ARHGEF7: variants seen among roughly 807,000 people sequenced by gnomAD.
ARHGEF7 encodes the protein Rho guanine nucleotide exchange factor 7.
In ARHGEF7, 33 loss-of-function variants were observed where a neutral mutation model predicts 109.8. The observed-to-expected ratio is 0.30, with a 90% CI of 0.23 to 0.40. The LOEUF (loss-of-function observed/expected upper bound fraction) is 0.40. ARHGEF7 is among the 10% of genes least tolerant of loss of function. ARHGEF7 has a pLI of 1.00. For missense variants in ARHGEF7, 938 were observed against 1,098.5 expected (o/e 0.85, Z 2.07); for synonymous variants, 458 against 424.6 (o/e 1.08, Z -0.97).
rs981438967 is a variant in ARHGEF7, at chr13:111,145,654, C to G, written c.166-8251C>G. Among the ~76,000 whole-genome samples the G allele has an allele frequency of 6.6e-6, 1 of 152,204 alleles. No homozygotes were observed. The highest frequency in any genetic ancestry group is 1.5e-5 in the Non-Finnish European group (1 of 68,032). ...CCAGTGTGACGGGGTGACACCCATA[C>G]AGCCCACTGTGAGCCAGCTCCAGCA... On this transcript the variant is annotated intron_variant, in intron 1 of 21. Transcript: ENST00000646102. This position sits in a 1 kb window ranked among gnomAD's most constrained non-coding sequence, Gnocchi z 4.3.
chr13:111,149,819 T>C (rs1217608192), intron 1 of ARHGEF7, among the ~76,000 whole-genome samples: 1 of 152,200 alleles, frequency 6.6e-6, no homozygotes, highest in Non-Finnish European at 1.5e-5. Flanking sequence ...TTATACTGTA[T>C]AGCACAGTAA....
intron 5 of ARHGEF7, among the ~76,000 whole-genome samples, chr13:111,222,795 G>C (rs897115594): frequency 5.9e-5 from 9 of 152,182 alleles, no homozygotes; most frequent in Non-Finnish European, 1.2e-4. Context: ...TGTTACTCTA[G>C]AGCAGTTAAG....
At chr13:111,292,973 T>C (rs1254144584) in intron 19 of ARHGEF7, 1 of 985,430 alleles carries the variant, frequency 1.0e-6, no homozygotes, top group African/African-American at 1.7e-5. Context: ...TGTGCTGCGT[T>C]GTGGCCGTGA....
chr13:111,147,602 A>G (rs556907870), intron 1 of ARHGEF7, among the ~76,000 whole-genome samples: 1 of 151,520 alleles, frequency 6.6e-6, no homozygotes, highest in East Asian at 1.9e-4. Flanking sequence ...TTTACTCGCC[A>G]TCCTTGAGAA....
intron 5 of ARHGEF7, 99 bp from the exon 6 acceptor site, chr13:111,233,106 G>A (rs2086324683): frequency 3.0e-6 from 3 of 1,012,944 alleles, no homozygotes; most frequent in South Asian, 1.3e-5. Context: ...TGTTAATTCA[G>A]TGAGGCTGCT....
chr13:111,185,316 C>G (rs1052561103), intron 2 of ARHGEF7: 1 of 152,336 alleles, frequency 6.6e-6, no homozygotes, highest in Non-Finnish European at 1.5e-5. Flanking sequence ...TTAGGTCATT[C>G]AGAGTCCATC....
intron 2 of ARHGEF7, among the ~76,000 whole-genome samples, chr13:111,175,595 G>T (rs1449208927): frequency 6.6e-6 from 1 of 152,210 alleles, no homozygotes; most frequent in Non-Finnish European, 1.5e-5. Flanking sequence ...CCAGGGGCGG[G>T]CCTCCTAAGC....
At chr13:111,154,322 G>C (rs1480218924) in intron 2 of ARHGEF7, among the ~76,000 whole-genome samples, 2 of 152,194 alleles carry the variant, frequency 1.3e-5, no homozygotes, top group African/African-American at 2.4e-5. Flanking sequence ...GGTGTGAACC[G>C]ATTTCTTGGC....
intron 13 of ARHGEF7, 80 bp downstream of exon 13, chr13:111,277,753 T>C: frequency 1.1e-6 from 1 of 951,012 alleles, no homozygotes; most frequent in South Asian, 1.3e-5. Flanking sequence ...TGTTAAATAT[T>C]ACGTGTATCT....
chr13:111,264,710 C>CT (rs1187853542), intron 8 of ARHGEF7, among the ~76,000 whole-genome samples: 1 of 152,112 alleles, frequency 6.6e-6, no homozygotes, highest in Non-Finnish European at 1.5e-5. Flanking sequence ...GGGCGTTGGC[C>CT]TTTTTTTACA....
At chr13:111,234,306 G>A (rs1366481676) in intron 6 of ARHGEF7, among the ~76,000 whole-genome samples, 2 of 152,212 alleles carry the variant, frequency 1.3e-5, no homozygotes, top group Non-Finnish European at 1.5e-5. Context: ...CTGTGCCACC[G>A]TCTTGTGCTG....
chr13:111,141,654 T>C (rs1360289044), intron 1 of ARHGEF7, among the ~76,000 whole-genome samples: 1 of 152,118 alleles, frequency 6.6e-6, no homozygotes, highest in African/African-American at 2.4e-5. Context: ...TATGGATTGA[T>C]AGCCCATTTC....
At chr13:111,294,600 C>T in intron 19 of ARHGEF7, 1 of 985,438 alleles carries the variant, frequency 1.0e-6, no homozygotes, top group Non-Finnish European at 1.2e-6. Context: ...GAATGTCTAA[C>T]ACCATTAGCT....
chr13:111,170,326 G>A lies in ARHGEF7; in HGVS notation c.252+16335G>A, dbSNP rs1482123514. Among the ~76,000 whole-genome samples, 3 of 152,344 alleles carry A rather than the reference G, an allele frequency of 2.0e-5. No homozygotes were observed. In the East Asian group the frequency reaches 5.8e-4, roughly 29 times the overall value. On this transcript the variant is annotated intron_variant, in intron 2 of 21. Coordinates refer to ENST00000646102, the MANE Select transcript of ARHGEF7 (RefSeq NM_001354046.2). ...TTGGCCAGGCTGGTCTTGAACTCCT[G>A]GCCTTAAGTGATCCACCCGCCTTGG...
At chr13:111,270,728 G>A (rs1221935652) in intron 9 of ARHGEF7, among the ~76,000 whole-genome samples, 1 of 152,138 alleles carries the variant, frequency 6.6e-6, no homozygotes, top group Non-Finnish European at 1.5e-5. Flanking sequence ...TGGTGGAAAA[G>A]GTACTTATGT....
At chr13:111,129,711 CAG>C (rs1302282707) in intron 1 of ARHGEF7, among the ~76,000 whole-genome samples, 10 of 152,210 alleles carry the variant, frequency 6.6e-5, no homozygotes, top group Non-Finnish European at 1.3e-4. Flanking sequence ...TGAAATCTAA[CAG>C]AGTGATCCTC....
chr13:111,277,882 G>A (rs1346659475), intron 13 of ARHGEF7, among the ~76,000 whole-genome samples: 2 of 152,212 alleles, frequency 1.3e-5, no homozygotes, highest in African/African-American at 4.8e-5. Flanking sequence ...GGAAAGAAGT[G>A]TAAACTGTAG....
At chr13:111,265,574 T>C (rs916212628) in intron 8 of ARHGEF7, 13 of 456,550 alleles carry the variant, frequency 2.8e-5, no homozygotes, top group African/African-American at 2.0e-4. Flanking sequence ...AAGTCCGGGG[T>C]CTGAGGTCCT....
intron 19 of ARHGEF7, chr13:111,294,149 C>T: frequency 1.0e-6 from 1 of 985,244 alleles, no homozygotes; most frequent in Non-Finnish European, 1.2e-6. Context: ...GTATGTTCAG[C>T]CAGATAGTAA....
Sources: allele counts gnomAD v4.1 joint callset (sites outside exome capture counted in the v4.1 genomes callset), GRCh38; gene constraint gnomAD v4.1.1; non-coding constraint Gnocchi (gnomAD v3.1); transcripts MANE v1.5; gene names NCBI Gene and HGNC (gene_info 2026-07-23, HGNC 2026-07-21).